LYST: variants seen among roughly 807,000 people sequenced by gnomAD.
LYST encodes lysosomal trafficking regulator, also known as lysosomal-trafficking regulator.
LYST carries 192 observed loss-of-function variants against 413.6 expected under a neutral mutation model. The observed-to-expected ratio is 0.46, with a 90% CI of 0.41 to 0.52. The LOEUF is 0.52. LYST is among the 20% of genes least tolerant of loss of function. LYST has a pLI of 0.00. For synonymous variants in LYST, 1,525 were observed against 1,567.3 expected (o/e 0.97, Z 0.64); for missense variants, 3,815 against 4,499.9 (o/e 0.85, Z 4.35).
chr1:235,710,799 C>A (rs1021494663), intron 43 of LYST, among the ~76,000 whole-genome samples: 1 of 152,178 alleles, frequency 6.6e-6, no homozygotes, highest in African/African-American at 2.4e-5. Context: ...AGCCTCTGTT[C>A]GTCTCCCTCT....
chr1:235,758,878 T>C (rs941190308), intron 23 of LYST, 94 bp downstream of exon 23: 4 of 1,044,790 alleles, frequency 3.8e-6, no homozygotes, highest in Non-Finnish European at 5.9e-6. Context: ...TGTTGTATTA[T>C]AAGTGGCATA....
At chr1:235,691,946 C>T (rs1278836151) in intron 47 of LYST, among the ~76,000 whole-genome samples, 2 of 151,106 alleles carry the variant, frequency 1.3e-5, no homozygotes, top group African/African-American at 4.9e-5. Context: ...GATCCCCGCA[C>T]CTTGGCCTCC....
intron 31 of LYST, chr1:235,736,623 C>A (rs1353055256): frequency 6.6e-6 from 1 of 152,104 alleles, no homozygotes. Context: ...AATCCAGGCA[C>A]ATTCCAAATG....
chr1:235,786,994 A>C (rs1203215284), intron 14 of LYST: 1 of 420,132 alleles, frequency 2.4e-6, no homozygotes, highest in Admixed American at 3.5e-5. Context: ...ACATGTATAC[A>C]TATGTAACAA....
upstream of LYST, among the ~76,000 whole-genome samples, chr1:235,868,992 G>A (rs1406018607): frequency 2.0e-5 from 3 of 152,050 alleles, no homozygotes; most frequent in Non-Finnish European, 4.4e-5. Context: ...ACCGCTCCTG[G>A]CCTCGGTTCC....
chr1:235,694,256 C>T (rs1227387454), intron 46 of LYST, among the ~76,000 whole-genome samples: 1 of 152,076 alleles, frequency 6.6e-6, no homozygotes, highest in African/African-American at 2.4e-5. Context: ...CTCAAGTGAT[C>T]TGCCCGCCTC....
chr1:235,776,069 G>C (rs895546748), intron 17 of LYST, among the ~76,000 whole-genome samples: 2 of 152,054 alleles, frequency 1.3e-5, no homozygotes, highest in African/African-American at 4.8e-5. Flanking sequence ...TGATGAAAGA[G>C]AAGAAAACAA....
intron 48 of LYST, among the ~76,000 whole-genome samples, chr1:235,682,487 C>G (rs1181949074): frequency 6.6e-6 from 1 of 152,150 alleles, no homozygotes; most frequent in Non-Finnish European, 1.5e-5. Flanking sequence ...GCAGGCACTA[C>G]TGATGCAGGA....
intron 25 of LYST, among the ~76,000 whole-genome samples, chr1:235,753,680 C>T (rs564010619): frequency 2.6e-5 from 4 of 152,222 alleles, no homozygotes; most frequent in East Asian, 3.9e-4. Flanking sequence ...GAATGATTCT[C>T]GAGTTCTTAT....
chr1:235,712,906 C>T, intron 42 of LYST: 1 of 985,086 alleles, frequency 1.0e-6, no homozygotes, highest in Non-Finnish European at 1.2e-6. Flanking sequence ...AGGGAAAGGC[C>T]TAGAATATTA....
chr1:235,801,380 A>G (rs551113830), intron 8 of LYST, among the ~76,000 whole-genome samples: 24 of 151,800 alleles, frequency 1.6e-4, no homozygotes, highest in African/African-American at 4.8e-4. Flanking sequence ...CCATGGACAC[A>G]ACTTTAAAAA....
At position 235,762,866 on chromosome 1, in the gene LYST, T is replaced by A; in HGVS notation, c.6122-15A>T. On this transcript the variant is annotated splice_polypyrimidine_tract_variant and intron_variant, in intron 21 of 52. Transcript: ENST00000389793. ...GATCTTGCCATCTAGAATCCAAATT[T>A]TTTTTGAAACAGCAAAATTTTTAAA... 1 of 1,612,156 alleles carries A rather than the reference T, an allele frequency of 6.2e-7. No individual in the cohort carries two copies. Among genetic ancestry groups the A allele is most frequent in the Non-Finnish European group, 8.5e-7 (1 of 1,178,658 alleles).
intron 20 of LYST, among the ~76,000 whole-genome samples, chr1:235,766,885 TATACTA>T (rs1272293336): frequency 2.0e-5 from 3 of 152,108 alleles, no homozygotes; most frequent in Non-Finnish European, 2.9e-5. Flanking sequence ...CAAAACTCGT[TATACTA>T]ATACAATATG....
At position 235,800,404 on chromosome 1, in the gene LYST, T is replaced by G. The variant is rs1364203420; in HGVS notation, c.3940-18A>C. On this transcript the variant is annotated intron_variant, in intron 9 of 52. Coordinates refer to ENST00000389793, the MANE Select transcript of LYST (RefSeq NM_000081.4). ...ACAGTTCCCTGAAGATTAAAAAAAATACAAAATTAAATTACTTACCTCACA... is the reference window on the plus strand; with the variant it reads ...ACAGTTCCCTGAAGATTAAAAAAAAGACAAAATTAAATTACTTACCTCACA... 1 of 1,409,646 alleles carries G rather than the reference T, an allele frequency of 7.1e-7. No individual in the cohort carries two copies. The highest frequency in any genetic ancestry group is 1.4e-5 in the African/African-American group (1 of 70,876). 87.3% of individuals were successfully genotyped at this position (1,409,646 alleles called of 1,614,324 possible).
chr1:235,664,025 C>T lies in LYST; in HGVS notation c.11226G>A (p.Val3742=), dbSNP rs890840233. The T allele has an allele frequency of 6.2e-7, 1 of 1,613,556 alleles. No homozygotes were observed. The highest frequency in any genetic ancestry group is 8.5e-7 in the Non-Finnish European group (1 of 1,179,476). ...RLWSTWDLKP[V]REITFPKSNK... ...TTGATTTGGGAAATGTAATTTCTCT[C>T]ACAGGCTTTAAGTCCCATGTGCTCC... is the stretch of plus-strand genomic sequence containing the variant. The change falls in exon 52 of 53, where the codon GTG becomes GTA. Residue 3742 remains valine, a synonymous_variant. Transcript: ENST00000389793. The surrounding 1 kb of genome is among the most constrained non-coding windows in gnomAD (Gnocchi z 4.5).
chr1:235,806,835 CATATA>C (rs1672898121), intron 5 of LYST, 63 bp from the exon 6 acceptor site: 1 of 1,052,432 alleles, frequency 9.5e-7, no homozygotes, highest in Non-Finnish European at 1.4e-6. Context: ...TAAATAGGTA[CATATA>C]ATATTTAATA....
chr1:235,864,317 T>A (rs1680242710), intron 1 of LYST, among the ~76,000 whole-genome samples: 1 of 152,100 alleles, frequency 6.6e-6, no homozygotes, highest in South Asian at 2.1e-4. Flanking sequence ...ATGTCTAATT[T>A]TATTGTCTTC....
At chr1:235,665,631 AG>A (rs1658380232) in intron 50 of LYST, among the ~76,000 whole-genome samples, 1 of 150,130 alleles carries the variant, frequency 6.7e-6, no homozygotes, top group Admixed American at 6.6e-5. Flanking sequence ...AAAAAAAAAA[AG>A]TGACTTATGT....
At chr1:235,767,906 T>C (rs899761516) in intron 20 of LYST, among the ~76,000 whole-genome samples, 2 of 152,116 alleles carry the variant, frequency 1.3e-5, no homozygotes, top group Admixed American at 1.3e-4. Flanking sequence ...CATCTTCTTC[T>C]CTACATGTTC....
Sources: allele counts gnomAD v4.1 joint callset (sites outside exome capture counted in the v4.1 genomes callset), GRCh38; gene constraint gnomAD v4.1.1; non-coding constraint Gnocchi (gnomAD v3.1); transcripts MANE v1.5; gene names NCBI Gene and HGNC (gene_info 2026-07-23, HGNC 2026-07-21).